Variants in RUSC2 observed in about 807,000 individuals in gnomAD.
RUSC2 encodes the protein RUN and SH3 domain containing 2, also known as AP-4 complex accessory subunit RUSC2.
RUSC2 carries 34 observed loss-of-function variants against 122.2 expected under a neutral mutation model. The ratio of observed to expected loss-of-function variants is 0.28; its 90% CI spans 0.21 to 0.37. The LOEUF (loss-of-function observed/expected upper bound fraction) is 0.37. RUSC2 is among the 10% of genes least tolerant of loss of function. The probability of loss-of-function intolerance (pLI) is 1.00; values close to 1 mark genes in which losing one functional copy is unlikely to be tolerated. For synonymous variants in RUSC2, 784 were observed against 790.0 expected, an observed-to-expected ratio of 0.99 and a Z score of 0.13; for missense variants, 1,747 against 1,952.4, an observed-to-expected ratio of 0.89 and a Z score of 1.98.
At chr9:35,552,885 C>T (rs924565845) in intron 2 of RUSC2, among the ~76,000 whole-genome samples, 2 of 152,202 alleles carry the variant, frequency 1.3e-5, no homozygotes, top group Admixed American at 6.5e-5. Context: ...CCCCTTCTTA[C>T]CTGATCTTAT....
chr9:35,539,626 C>G (rs1821604171), intron 1 of RUSC2, among the ~76,000 whole-genome samples: 1 of 152,134 alleles, frequency 6.6e-6, no homozygotes, highest in Non-Finnish European at 1.5e-5. Context: ...CATACCATAT[C>G]TTCTGGTGCT....
chr9:35,543,405 G>A lies in RUSC2; in HGVS notation c.-92-3025G>A, dbSNP rs1564260957. ...CCACTGCACTCCAGCCTCGGTGATA[G>A]AGTGAGAACCTGTCTCAAAAAAAAG... On this transcript the variant is annotated intron_variant, in intron 1 of 11. Coordinates refer to ENST00000361226, the MANE Select transcript of RUSC2 (RefSeq NM_014806.5). Among the ~76,000 whole-genome samples the A allele has an allele frequency of 2.0e-5, 3 of 152,166 alleles. 1 individual carries two copies. In the East Asian group the frequency reaches 5.8e-4, roughly 29 times the overall value.
At chr9:35,543,784 C>T (rs999508007) in intron 1 of RUSC2, among the ~76,000 whole-genome samples, 7 of 152,108 alleles carry the variant, frequency 4.6e-5, no homozygotes, top group Non-Finnish European at 8.8e-5. Context: ...TCAGGACATT[C>T]TATTTCTATG....
chr9:35,495,312 T>C (rs1820688397), intron 1 of RUSC2, among the ~76,000 whole-genome samples: 1 of 139,288 alleles, frequency 7.2e-6, no homozygotes, highest in South Asian at 2.1e-4. Context: ...CTCTTATCTT[T>C]AGGTCTTTGA....
At position 35,552,278 on chromosome 9, in the gene RUSC2, T is replaced by C. The variant is rs1240289625; in HGVS notation, c.2015-2782T>C. Among the ~76,000 whole-genome samples the C allele has an allele frequency of 2.0e-5, 3 of 152,142 alleles. No individual in the cohort carries two copies. The East Asian group carries it at 5.8e-4, about 29-fold the overall frequency. ...CGGGAGGCTGAGGCACAATAATCGC[T>C]TGAACCTGGAAGGCGGAAGTTGCAG... is the stretch of plus-strand genomic sequence containing the variant. On this transcript the variant is annotated intron_variant, in intron 2 of 11. Coordinates refer to ENST00000361226, the MANE Select transcript of RUSC2 (RefSeq NM_014806.5).
intron 1 of RUSC2, among the ~76,000 whole-genome samples, chr9:35,501,572 A>G (rs1186394005): frequency 6.6e-6 from 1 of 152,190 alleles, no homozygotes; most frequent in Non-Finnish European, 1.5e-5. Flanking sequence ...GTGAGGCTCC[A>G]TCTCAAAAGA....
intron 1 of RUSC2, among the ~76,000 whole-genome samples, chr9:35,513,063 G>A (rs1485582250): frequency 6.6e-6 from 1 of 152,170 alleles, no homozygotes; most frequent in African/African-American, 2.4e-5. Context: ...AATATTAATT[G>A]CTACTACTAC....
At position 35,527,512 on chromosome 9, in the gene RUSC2, T is replaced by A. The variant is rs548003691; in HGVS notation, c.-92-18918T>A. On this transcript the variant is annotated intron_variant, in intron 1 of 11. Transcript: ENST00000361226. Reference sequence around the variant, plus strand: ...GTTTCTAACTTCTGAACATATTTCGTTCTTTTTCAGATCTGCCTGGTTATT... The same window carrying A: ...GTTTCTAACTTCTGAACATATTTCGATCTTTTTCAGATCTGCCTGGTTATT... 5.9e-5 allele frequency among the ~76,000 whole-genome samples: 9 copies of A among 152,292 alleles called. No homozygotes were observed. In the East Asian group the frequency reaches 1.7e-3, roughly 29 times the overall value.
intron 1 of RUSC2, among the ~76,000 whole-genome samples, chr9:35,526,159 C>T (rs1821321417): frequency 6.6e-6 from 1 of 152,120 alleles, no homozygotes; most frequent in Admixed American, 6.5e-5. Context: ...GTAGCCTGGT[C>T]CAGGCACAGG....
At position 35,561,175 on chromosome 9, in the gene RUSC2, C is replaced by T; in HGVS notation, c.4350-6C>T. ...TTTCTCTGACCTCCATGTGCTGTTT[C>T]CCCAGTGAGGTGCAGGCACTGTGCC... On this transcript the variant is annotated splice_region_variant and splice_polypyrimidine_tract_variant and intron_variant, in intron 11 of 11. Transcript: ENST00000361226. The T allele has an allele frequency of 1.2e-6, 2 of 1,613,896 alleles. No individual in the cohort carries two copies.
intron 1 of RUSC2, among the ~76,000 whole-genome samples, chr9:35,502,599 TTC>T (rs572572175): frequency 2.3e-4 from 35 of 152,264 alleles, no homozygotes; most frequent in Non-Finnish European, 4.3e-4. Flanking sequence ...CTGAAAAAAA[TTC>T]TTTTTCTGAA....
chr9:35,556,200 G>A (rs1822014938), intron 4 of RUSC2, 63 bp downstream of exon 4: 1 of 1,601,140 alleles, frequency 6.2e-7, no homozygotes, highest in Non-Finnish European at 8.5e-7. Context: ...AAGGGCTAGA[G>A]AAGGGGTCAG....
chr9:35,556,069 G>A lies in RUSC2; in HGVS notation c.2774G>A (p.Arg925Gln), dbSNP rs141116165. 62 of 1,614,180 alleles carry A rather than the reference G, an allele frequency of 3.8e-5. No homozygotes were observed. In the African/African-American group the frequency reaches 4.7e-4, roughly 12 times the overall value. ...AGATCACAAGAAGCTCGGCTGGCCC[G>A]AAGAAACCCTATCTTTGAGTTCCCT... The part of the protein sequence containing the change: ...DRRSQEARLA[R>Q]RNPIFEFPGS... The change falls in exon 4 of 12, where the codon CGA becomes CAA. Residue 925 changes from arginine (R) to glutamine (Q), a missense_variant. Coordinates refer to ENST00000361226, the MANE Select transcript of RUSC2 (RefSeq NM_014806.5).
At chr9:35,508,275 C>T (rs750374773) in intron 1 of RUSC2, among the ~76,000 whole-genome samples, 4 of 152,224 alleles carry the variant, frequency 2.6e-5, no homozygotes, top group Non-Finnish European at 5.9e-5. Context: ...TGCATACCCT[C>T]CTACTTGATC....
At chr9:35,516,310 C>T (rs1246871361) in intron 1 of RUSC2, among the ~76,000 whole-genome samples, 1 of 152,076 alleles carries the variant, frequency 6.6e-6, no homozygotes, top group Non-Finnish European at 1.5e-5. Flanking sequence ...CCATGCCTCT[C>T]ATCCATATTT....
At chr9:35,521,272 G>A (rs576667578) in intron 1 of RUSC2, among the ~76,000 whole-genome samples, 2 of 152,318 alleles carry the variant, frequency 1.3e-5, no homozygotes, top group South Asian at 4.1e-4. Context: ...GAGCTAAGGA[G>A]GGAATCAAAT....
intron 1 of RUSC2, among the ~76,000 whole-genome samples, chr9:35,514,058 A>G (rs1316637173): frequency 6.6e-6 from 1 of 151,766 alleles, no homozygotes; most frequent in Non-Finnish European, 1.5e-5. Flanking sequence ...TGAAAATTTC[A>G]TTAATTCATT....
In RUSC2 at chr9:35,557,576, G is replaced by A. The variant is rs377258776; in HGVS notation, c.2984-338G>A. ...ACTGGCACTGGGGTGAGGGACTTGG[G>A]TTTTCTTCAGGTCAGTGGCCCGGTT... On this transcript the variant is annotated intron_variant, in intron 5 of 11. Transcript: ENST00000361226. The surrounding 1 kb of genome is among the most constrained non-coding windows in gnomAD (Gnocchi z 4.6). 1.1e-3 allele frequency among the ~76,000 whole-genome samples: 164 copies of A among 152,280 alleles called. No homozygotes were observed. Among genetic ancestry groups the A allele is most frequent in the Non-Finnish European group, 1.8e-3 (122 of 68,014 alleles).
chr9:35,526,452 G>A (rs924786809), intron 1 of RUSC2, among the ~76,000 whole-genome samples: 11 of 152,110 alleles, frequency 7.2e-5, no homozygotes, highest in Non-Finnish European at 1.5e-4. Flanking sequence ...CTGTATGTCA[G>A]GCACAATTTA....
Sources: allele counts gnomAD v4.1 joint callset (sites outside exome capture counted in the v4.1 genomes callset), GRCh38; gene constraint gnomAD v4.1.1; non-coding constraint Gnocchi (gnomAD v3.1); transcripts MANE v1.5; gene names NCBI Gene and HGNC (gene_info 2026-07-23, HGNC 2026-07-21).